The following CARMIL1 variants were observed in gnomAD, a reference collection of about 807,000 sequenced individuals.
CARMIL1 encodes the protein capping protein regulator and myosin 1 linker 1.
Under a neutral mutation model 177.1 loss-of-function variants are expected in CARMIL1, and 90 were observed. The observed-to-expected ratio is 0.51, with a 90% confidence interval of 0.43 to 0.61. The LOEUF (loss-of-function observed/expected upper bound fraction) is 0.61, where lower values mean the gene tolerates loss of function less well. Ranked by LOEUF, CARMIL1 falls within the 20% of genes least tolerant of loss-of-function variation. The pLI is 0.00. For missense variants in CARMIL1, 1,380 were observed against 1,667.0 expected, an observed-to-expected ratio of 0.83 and a Z score of 3.00; for synonymous variants, 577 against 606.2, an observed-to-expected ratio of 0.95 and a Z score of 0.71.
intron 5 of CARMIL1, 49 bp from the exon 6 acceptor site, chr6:25,449,849 A>T (rs1798608500): frequency 1.9e-6 from 2 of 1,052,612 alleles, no homozygotes; most frequent in Non-Finnish European, 2.8e-6. Context: ...TTCTATGTGC[A>T]GTCAAAAAGT....
At chr6:25,543,044 T>G (rs1369787734) in intron 26 of CARMIL1, among the ~76,000 whole-genome samples, 1 of 152,146 alleles carries the variant, frequency 6.6e-6, no homozygotes, top group African/African-American at 2.4e-5. Flanking sequence ...TAAATGTTAT[T>G]TTGTAAAAAT....
intron 2 of CARMIL1, among the ~76,000 whole-genome samples, chr6:25,374,318 T>G (rs1581722426): frequency 6.6e-6 from 1 of 152,352 alleles, no homozygotes; most frequent in Non-Finnish European, 1.5e-5. Flanking sequence ...TTAATTTCTA[T>G]GTATTTGTAT....
chr6:25,388,653 C>T (rs561472790), intron 2 of CARMIL1, among the ~76,000 whole-genome samples: 11 of 152,166 alleles, frequency 7.2e-5, no homozygotes, highest in Admixed American at 5.9e-4. Flanking sequence ...CATAAGCCAC[C>T]GCACCTGGCC....
Position 25,426,561 on chromosome 6 carries a change from G to C in CARMIL1, c.249+1G>C, listed in dbSNP as rs1357043102. ...CGTCGTTTGCAGCAAGTCAGCTCAG[G>C]TGAGTGTGAAAAATGGATCACTGCA... On this transcript the variant is annotated splice_donor_variant, in intron 4 of 36. Transcript: ENST00000329474. LOFTEE classifies it high-confidence loss of function. The C allele has an allele frequency of 6.2e-7, 1 of 1,611,540 alleles. No individual in the cohort carries two copies.
intron 9 of CARMIL1, among the ~76,000 whole-genome samples, chr6:25,467,123 T>A (rs2150926734): frequency 6.6e-6 from 1 of 152,120 alleles, no homozygotes; most frequent in African/African-American, 2.4e-5. Flanking sequence ...TGAACAAATA[T>A]GAGAGTATGA....
Position 25,607,067 on chromosome 6 carries a change from G to A in CARMIL1, c.3847+794G>A, listed in dbSNP as rs1489338982. Among the ~76,000 whole-genome samples, 4 of 151,896 alleles carry A rather than the reference G, an allele frequency of 2.6e-5. No individual in the cohort carries two copies. The East Asian group carries it at 7.7e-4, about 29-fold the overall frequency. On this transcript the variant is annotated intron_variant, in intron 35 of 36. Transcript: ENST00000329474. ...GGAGGCTGAGGTGGGAGGATAACTTGAGCCTAGGAATTTAGGCTGTGATCA... is the reference window on the plus strand; with the variant it reads ...GGAGGCTGAGGTGGGAGGATAACTTAAGCCTAGGAATTTAGGCTGTGATCA...
At position 25,491,971 on chromosome 6, in the gene CARMIL1, A is replaced by G; in HGVS notation, c.1167A>G (p.Gly389=). ...AGGTCTGTGGAGCTCTTCTCCGTGG[A>G]TGCCTTCAATATTTAGCTGTGCTCA... is the stretch of plus-strand genomic sequence containing the variant. ...LDMVCGALLR[G]CLQYLAVLNL... The change falls in exon 15 of 37, where the codon GGA becomes GGG. Residue 389 remains glycine, a synonymous_variant. Coordinates refer to ENST00000329474, the MANE Select transcript of CARMIL1 (RefSeq NM_017640.6). 1 of 1,613,708 alleles carries G rather than the reference A, an allele frequency of 6.2e-7. No homozygotes were observed. Among genetic ancestry groups the G allele is most frequent in the Non-Finnish European group, 8.5e-7 (1 of 1,179,752 alleles).
rs1465358798 is a variant in CARMIL1, at chr6:25,515,857, T to C, written c.1805+10T>C. ...TCAACACTAAGCTCAGGTAGGCAGA[T>C]CCCACCCTCCCTGCTCATGAGGAAG... On this transcript the variant is annotated intron_variant, in intron 21 of 36. Transcript: ENST00000329474. This position sits in a 1 kb window ranked among gnomAD's most constrained non-coding sequence, Gnocchi z 5.0. 1.3e-6 allele frequency: 2 copies of C among 1,589,054 alleles called. No individual in the cohort carries two copies. Among genetic ancestry groups the C allele is most frequent in the South Asian group, 2.3e-5 (2 of 86,592 alleles).
intron 8 of CARMIL1, among the ~76,000 whole-genome samples, chr6:25,451,838 A>G (rs1285392611): frequency 6.6e-6 from 1 of 152,094 alleles, no homozygotes; most frequent in Non-Finnish European, 1.5e-5. Context: ...AGCCCTACTT[A>G]ATAAACTCCA....
chr6:25,439,002 G>A (rs1283545033), intron 5 of CARMIL1, among the ~76,000 whole-genome samples: 3 of 152,220 alleles, frequency 2.0e-5, no homozygotes, highest in Non-Finnish European at 4.4e-5. Flanking sequence ...AGAGAGGGTA[G>A]ATGTAAGCTT....
Position 25,480,569 on chromosome 6 carries a change from T to A in CARMIL1, c.875-1688T>A, listed in dbSNP as rs1301242627. Among the ~76,000 whole-genome samples, 120 of 150,630 alleles carry A rather than the reference T, an allele frequency of 8.0e-4. 1 individual carries two copies. The highest frequency in any genetic ancestry group is 3.4e-4 in the Non-Finnish European group (23 of 67,658). On this transcript the variant is annotated intron_variant, in intron 11 of 36. Coordinates refer to ENST00000329474, the MANE Select transcript of CARMIL1 (RefSeq NM_017640.6). The stretch of plus-strand genomic sequence containing the variant: ...GTATCTCTTGAAAACATTTGATATT[T>A]TTATTCAAATAAATCATCTTTGACT...
intron 11 of CARMIL1, among the ~76,000 whole-genome samples, chr6:25,479,769 C>T (rs1801920261): frequency 6.6e-6 from 1 of 151,622 alleles, no homozygotes; most frequent in Non-Finnish European, 1.5e-5. Context: ...AGTTTTTTAT[C>T]TTTCTTAAAA....
chr6:25,435,701 C>A, intron 5 of CARMIL1, 97 bp downstream of exon 5: 1 of 1,330,714 alleles, frequency 7.5e-7, no homozygotes. Flanking sequence ...TCACTTAGTT[C>A]CTCTCTCAGA....
Position 25,588,911 on chromosome 6 carries a change from GA to G in CARMIL1, c.3007-5503del, listed in dbSNP as rs560037453. The stretch of plus-strand genomic sequence containing the variant: ...ACCATGCAGTGGCTTCACTTTGTGT[GA>G]TAGGTCAGTATCAGTCAGTTTGCCA... On this transcript the variant is annotated intron_variant, in intron 31 of 36. Transcript: ENST00000329474. Among the ~76,000 whole-genome samples, 40 of 152,236 alleles carry G rather than the reference GA, an allele frequency of 2.6e-4. 1 individual carries two copies. The highest frequency in any genetic ancestry group is 4.6e-4 in the Admixed American group (7 of 15,288).
At chr6:25,604,441 AG>A (rs939659334) in intron 33 of CARMIL1, among the ~76,000 whole-genome samples, 2 of 152,184 alleles carry the variant, frequency 1.3e-5, no homozygotes, top group Non-Finnish European at 2.9e-5. Flanking sequence ...CTAGCATGCA[AG>A]GGCCCTCATC....
chr6:25,369,892 G>A (rs931877929), intron 2 of CARMIL1: 1 of 152,212 alleles, frequency 6.6e-6, no homozygotes, highest in Non-Finnish European at 1.5e-5. Context: ...AGTGAGGAGA[G>A]AAGGTAGGTA....
intron 26 of CARMIL1, among the ~76,000 whole-genome samples, chr6:25,548,347 C>T (rs931507932): frequency 6.6e-6 from 1 of 152,090 alleles, no homozygotes; most frequent in African/African-American, 2.4e-5. Context: ...AAGAACTTAG[C>T]AAGAAAGGCT....
chr6:25,322,266 G>T (rs1186638624), intron 2 of CARMIL1, among the ~76,000 whole-genome samples: 1 of 152,102 alleles, frequency 6.6e-6, no homozygotes, highest in Admixed American at 6.5e-5. Flanking sequence ...GGGATTACAG[G>T]CGCTCTCCAC....
intron 29 of CARMIL1, among the ~76,000 whole-genome samples, chr6:25,566,446 GA>G (rs1453234815): frequency 6.6e-6 from 1 of 152,118 alleles, no homozygotes; most frequent in African/African-American, 2.4e-5. Flanking sequence ...CTTCACCTTG[GA>G]ATATTCTCCA....
Sources: gnomAD v4.1 joint callset for allele counts (sites outside exome capture counted in the v4.1 genomes callset) on GRCh38, gnomAD v4.1.1 for gene constraint, Gnocchi (gnomAD v3.1) non-coding constraint, MANE v1.5 for transcripts, NCBI Gene and HGNC (gene_info 2026-07-23, HGNC 2026-07-21) for gene names.